CASP5: variants seen among roughly 807,000 people sequenced by gnomAD.
CASP5 encodes caspase 5.
A neutral mutation model predicts 45.2 loss-of-function variants in CASP5; 42 were observed. The observed-to-expected ratio is 0.93, with a 90% CI of 0.73 to 1.20. The LOEUF is 1.20. Ranked by LOEUF, CASP5 falls within the 50% of genes most tolerant of loss-of-function variation. CASP5 has a pLI of 0.00. For missense variants in CASP5, 512 were observed against 532.2 expected (o/e 0.96, Z 0.37); for synonymous variants, 209 against 186.2 (o/e 1.12, Z -1.00).
At position 105,018,516 on chromosome 11, in the gene CASP5, T is replaced by A. The variant is rs972876159; in HGVS notation, c.7+4614A>T. ...CAGGGGTTGCAGTCCTAGTCTCTGA[T>A]AAAACAGACTTTAAACCAACAAAGA... On this transcript the variant is annotated intron_variant, in intron 1 of 9. Transcript: ENST00000260315. Among the ~76,000 whole-genome samples, 974 of 148,538 alleles carry A rather than the reference T, an allele frequency of 6.6e-3. 9 individuals are homozygous for A. The highest frequency in any genetic ancestry group is 0.011 in the Non-Finnish European group (722 of 66,654).
chr11:105,016,718 G>C (rs931377757), intron 1 of CASP5, among the ~76,000 whole-genome samples: 7 of 152,164 alleles, frequency 4.6e-5, no homozygotes, highest in African/African-American at 9.7e-5. Context: ...AGGCAGCAGC[G>C]AGGCTGGGGG....
At chr11:105,010,470 CAGTAATTATCATTATACTG>C (rs1321135343) in intron 1 of CASP5, among the ~76,000 whole-genome samples, 2 of 123,588 alleles carry the variant, frequency 1.6e-5, no homozygotes, top group Non-Finnish European at 3.7e-5. Context: ...TATAATAAAT[CAGTAATTATCATTATACTG>C]ATATAATAAA....
chr11:104,995,672 G>T, intron 9 of CASP5, 68 bp downstream of exon 9: 3 of 960,152 alleles, frequency 3.1e-6, no homozygotes, highest in Non-Finnish European at 5.0e-6. Context: ...GCTGTCATTG[G>T]TCATTGAACT....
Position 105,007,296 on chromosome 11 carries a change from A to T in CASP5, c.220T>A (p.Tyr74Asn), listed in dbSNP as rs1265409241. ...CCATGAAGAACATCTTTGCCCAGGT[A>T]TTCCAACATCTTAACTGTTTTTTTT... ...HKKKTVKMLE[Y>N]LGKDVLHGVF... Residue 74 changes from tyrosine to asparagine, a missense_variant, in exon 3 of 10, where the codon TAC (tyrosine) becomes AAC (asparagine). Physicochemically the swap from Tyr to Asn is moderately radical, Grantham distance 143. Transcript: ENST00000260315. The T allele has an allele frequency of 1.9e-6, 3 of 1,607,070 alleles. No individual in the cohort carries two copies. The highest frequency in any genetic ancestry group is 1.7e-6 in the Non-Finnish European group (2 of 1,178,720).
intron 4 of CASP5, 73 bp downstream of exon 4, chr11:105,003,200 TA>T (rs1861829142): frequency 2.1e-6 from 2 of 960,828 alleles, no homozygotes; most frequent in African/African-American, 3.3e-5. Flanking sequence ...ACCCCATTTT[TA>T]AAAATGTGCA....
At chr11:104,998,017 A>T (rs561327687) in intron 7 of CASP5, among the ~76,000 whole-genome samples, 1 of 152,200 alleles carries the variant, frequency 6.6e-6, no homozygotes, top group Non-Finnish European at 1.5e-5. Context: ...TATGGTGCCA[A>T]TAGTAAATAA....
At chr11:105,007,415 A>G in intron 2 of CASP5, 81 bp from the exon 3 acceptor site, 1 of 1,286,120 alleles carries the variant, frequency 7.8e-7, no homozygotes, top group South Asian at 1.4e-5. Flanking sequence ...ACTCTGTAAT[A>G]TGAAACTCCT....
At chr11:105,020,163 A>G (rs1156530002) in intron 1 of CASP5, among the ~76,000 whole-genome samples, 9 of 145,820 alleles carry the variant, frequency 6.2e-5, no homozygotes, top group African/African-American at 2.0e-4. Context: ...ATTTCAAAAT[A>G]ATAAGAGCTA....
In CASP5 at chr11:105,008,873, C is replaced by G; in HGVS notation, c.115G>C (p.Val39Leu). ...FVINHMLKNN[V>L]AGQTSIQTLV... is the part of the protein sequence containing the mutation. ...GTCTGGATAGATGTTTGTCCAGCCA[C>G]GTTGTTCTTTAGCATGTGGTTTATC... The change falls in exon 2 of 10, where the codon GTG becomes CTG. Residue 39 changes from valine (V) to leucine (L), a missense_variant. Coordinates refer to ENST00000260315, the MANE Select transcript of CASP5 (RefSeq NM_004347.5). 1 of 1,613,082 alleles carries G rather than the reference C, an allele frequency of 6.2e-7. No individual in the cohort carries two copies. The highest frequency in any genetic ancestry group is 8.5e-7 in the Non-Finnish European group (1 of 1,179,330).
chr11:105,009,737 A>ACG (rs1194288526), intron 1 of CASP5, among the ~76,000 whole-genome samples: 97 of 64,484 alleles, frequency 1.5e-3, no homozygotes, highest in African/African-American at 9.1e-3. Context: ...ATATATATAT[A>ACG]TATATATATA....
rs1470261903 is a variant in CASP5, at chr11:105,008,969, T to C, written c.19A>G (p.Lys7Glu). MAEDSG[K>E]KKRRKNFEAM... ...TCAAAATTCTTACGCCTTTTTTTTT[T>C]GCCACTGTCTTCTATCAGAAATATA... Residue 7 changes from lysine (K) to glutamate (E), a missense_variant, in exon 2 of 10, where the codon AAA becomes GAA. Coordinates refer to ENST00000260315, the MANE Select transcript of CASP5 (RefSeq NM_004347.5). The C allele has an allele frequency of 1.2e-6, 2 of 1,611,670 alleles. No individual in the cohort carries two copies. The highest frequency in any genetic ancestry group is 2.7e-5 in the African/African-American group (2 of 74,818).
At chr11:104,997,362 G>T in intron 8 of CASP5, 21 bp downstream of exon 8, 1 of 1,463,520 alleles carries the variant, frequency 6.8e-7, no homozygotes, top group Non-Finnish European at 9.6e-7. Flanking sequence ...TAAATGACTA[G>T]AAAAGGAAAT....
chr11:104,999,374 G>T (rs1214937374), intron 6 of CASP5, among the ~76,000 whole-genome samples: 1 of 152,168 alleles, frequency 6.6e-6, no homozygotes, highest in African/African-American at 2.4e-5. Context: ...TCCCTGCAAA[G>T]GACATGATCT....
At chr11:105,016,600 C>T (rs1350301717) in intron 1 of CASP5, among the ~76,000 whole-genome samples, 1 of 150,904 alleles carries the variant, frequency 6.6e-6, no homozygotes, top group African/African-American at 2.4e-5. Context: ...GCTTTTCCAA[C>T]CGGCTTAAAA....
chr11:105,006,517 A>C (rs1359404021), intron 3 of CASP5, among the ~76,000 whole-genome samples: 1 of 152,194 alleles, frequency 6.6e-6, no homozygotes, highest in Non-Finnish European at 1.5e-5. Flanking sequence ...AAAGCATTTA[A>C]TTTTAGCTGT....
rs151041523 is a variant in CASP5, at chr11:105,001,922, G to A, written c.717+106C>T. ...TACACACACACACACACACGCACAC[G>A]AACCCAGAGGTTGTTAAACCTTGTT... is the stretch of plus-strand genomic sequence containing the variant. On this transcript the variant is annotated intron_variant, in intron 5 of 9. Coordinates refer to ENST00000260315, the MANE Select transcript of CASP5 (RefSeq NM_004347.5). 665 of 1,099,688 alleles carry A rather than the reference G, an allele frequency of 6.0e-4. 4 individuals are homozygous for A. The East Asian group carries it at 0.015, about 24-fold the overall frequency. 68.1% of individuals were successfully genotyped at this position (1,099,688 alleles called of 1,614,324 possible). A position where few individuals can be genotyped will look rare whatever the true frequency, so the allele number is the denominator to read the frequency against.
At chr11:105,007,481 G>A (rs917105751) in intron 2 of CASP5, 147 bp from the exon 3 acceptor site, 10 of 743,316 alleles carry the variant, frequency 1.3e-5, no homozygotes, top group Non-Finnish European at 2.2e-5. Context: ...ATCTTTTTTT[G>A]CAACTGCAGA....
intron 6 of CASP5, 136 bp from the exon 7 acceptor site, chr11:104,999,164 C>T (rs1861610208): frequency 4.4e-6 from 3 of 684,372 alleles, no homozygotes; most frequent in Non-Finnish European, 2.3e-6. Flanking sequence ...GTTTTAAGCC[C>T]ACATGCATTA....
chr11:105,010,462 TAATA>T (rs1284470154), intron 1 of CASP5, among the ~76,000 whole-genome samples: 2 of 124,380 alleles, frequency 1.6e-5, no homozygotes, highest in Admixed American at 2.1e-4. Context: ...TATACTGATA[TAATA>T]AATCAGTAAT....
Sources: allele counts gnomAD v4.1 joint callset (sites outside exome capture counted in the v4.1 genomes callset), GRCh38; gene constraint gnomAD v4.1.1; transcripts MANE v1.5; gene names NCBI Gene and HGNC (gene_info 2026-07-23, HGNC 2026-07-21).